Variants in STX7 observed in about 807,000 individuals in gnomAD.
The protein encoded by STX7 is syntaxin-7.
Under a neutral mutation model 39.6 loss-of-function variants are expected in STX7, and 34 were observed. The ratio of observed to expected loss-of-function variants is 0.86; its 90% CI spans 0.65 to 1.14. The LOEUF is 1.14. Among genes scored for constraint, STX7 ranks in the 50% most tolerant of loss-of-function variants. STX7 has a pLI of 0.00. For synonymous variants in STX7, 119 were observed against 99.1 expected, an observed-to-expected ratio of 1.20 and a Z score of -1.19; for missense variants, 284 against 310.4, an observed-to-expected ratio of 0.92 and a Z score of 0.64.
Position 132,451,959 on chromosome 6 carries a change from T to A in STX7, c.*8799A>T, listed in dbSNP as rs1435108776. On this transcript the variant is annotated 3_prime_UTR_variant, in exon 10 of 10. Coordinates refer to ENST00000367941, the MANE Select transcript of STX7 (RefSeq NM_003569.3). ...GTATTACCCTGATACCACCAACCAG[T>A]ATGTCGCATTAAAACAGATGCAAAA... 1 of 152,170 alleles carries A rather than the reference T, an allele frequency of 6.6e-6. No homozygotes were observed. The highest frequency in any genetic ancestry group is 1.5e-5 in the Non-Finnish European group (1 of 68,012). 9.4% of individuals were successfully genotyped at this position (152,170 alleles called of 1,614,324 possible).
intron 2 of STX7, among the ~76,000 whole-genome samples, chr6:132,487,299 T>TA (rs920839344): frequency 1.2e-4 from 19 of 152,040 alleles, no homozygotes; most frequent in South Asian, 1.0e-3. Flanking sequence ...ATTGCAGCCA[T>TA]AAAAAAAATG....
At chr6:132,489,316 T>C (rs1273651523) in intron 2 of STX7, among the ~76,000 whole-genome samples, 2 of 151,832 alleles carry the variant, frequency 1.3e-5, no homozygotes, top group Non-Finnish European at 2.9e-5. Flanking sequence ...CTTGTACAAT[T>C]AGAGTTAGGA....
rs754593682 is a variant in STX7 at position 132,472,392 on chromosome 6, C to T, written c.156-17G>A. 12 of 1,585,330 alleles carry T rather than the reference C, an allele frequency of 7.6e-6. 1 individual carries two copies. The African/African-American group carries it at 9.5e-5, about 12-fold the overall frequency. ...TTCTGTTGCCTAAAGTGAGAAAACA[C>T]GCATTACAGCCAAAGGACTAATATA... On this transcript the variant is annotated splice_polypyrimidine_tract_variant and intron_variant, in intron 3 of 9. Coordinates refer to ENST00000367941, the MANE Select transcript of STX7 (RefSeq NM_003569.3).
intron 9 of STX7, among the ~76,000 whole-genome samples, chr6:132,462,393 G>C (rs960638800): frequency 1.3e-5 from 2 of 152,188 alleles, no homozygotes; most frequent in African/African-American, 4.8e-5. Flanking sequence ...TGTAGCTTGG[G>C]ACATGTGCTT....
chr6:132,447,142 TA>T lies in STX7; in HGVS notation c.*13615del, dbSNP rs1774029692. On this transcript the variant is annotated 3_prime_UTR_variant, in exon 10 of 10. Coordinates refer to ENST00000367941, the MANE Select transcript of STX7 (RefSeq NM_003569.3). ...AGATACTAATAAGTTTTTGTGCGTG[TA>T]ACATTTGACACCAGGCTTTTAAGTA... 6.6e-6 allele frequency: 1 copy of T among 152,212 alleles called. No individual in the cohort carries two copies. Among genetic ancestry groups the T allele is most frequent in the Admixed American group, 6.5e-5 (1 of 15,274 alleles). 9.4% of individuals were successfully genotyped at this position (152,212 alleles called of 1,614,324 possible).
chr6:132,469,363 T>C (rs1357548707), intron 7 of STX7, among the ~76,000 whole-genome samples: 2 of 152,200 alleles, frequency 1.3e-5, no homozygotes, highest in Non-Finnish European at 2.9e-5. Flanking sequence ...ACACTGGTAT[T>C]TTCTCAATAC....
rs72996864 is a variant in STX7 at position 132,448,872 on chromosome 6, C to T, written c.*11886G>A. 0.029 allele frequency: 4,195 copies of T among 145,088 alleles called. 93 individuals carry two copies. The highest frequency in any genetic ancestry group is 0.045 in the Non-Finnish European group (3,016 of 66,476). The allele number at this position is 145,088 out of a possible 1,614,324, so 9.0% of individuals were successfully genotyped here. On this transcript the variant is annotated 3_prime_UTR_variant, in exon 10 of 10. Transcript: ENST00000367941. ...AAAAAAAAAAAAAGGTCTGTCAATTCGTTATTCCTTTAAAAGTGGATAAGT... is the reference window on the plus strand; with the variant it reads ...AAAAAAAAAAAAAGGTCTGTCAATTTGTTATTCCTTTAAAAGTGGATAAGT...
chr6:132,490,359 C>T (rs754942587), intron 2 of STX7, among the ~76,000 whole-genome samples: 10 of 152,214 alleles, frequency 6.6e-5, no homozygotes, highest in Non-Finnish European at 1.5e-5. Context: ...TCAGTTCTAA[C>T]TGCCAACACA....
At chr6:132,491,093 G>A (rs1318327935) in intron 2 of STX7, among the ~76,000 whole-genome samples, 4 of 150,134 alleles carry the variant, frequency 2.7e-5, no homozygotes, top group African/African-American at 7.4e-5. Context: ...CTCCTGCCAG[G>A]AAAATCAAAC....
rs1409018897 is a variant in STX7, at chr6:132,458,222, G to A, written c.*2536C>T. 1 of 152,196 alleles carries A rather than the reference G, an allele frequency of 6.6e-6. No homozygotes were observed. The highest frequency in any genetic ancestry group is 1.5e-5 in the Non-Finnish European group (1 of 68,040). 9.4% of individuals were successfully genotyped at this position (152,196 alleles called of 1,614,324 possible). ...TGCAGTGTCCTTGGTCACCAATGCAGATGCTACTGGGGCAGCCAGCGGGCT... is the reference window on the plus strand; with the variant it reads ...TGCAGTGTCCTTGGTCACCAATGCAAATGCTACTGGGGCAGCCAGCGGGCT... On this transcript the variant is annotated 3_prime_UTR_variant, in exon 10 of 10. Coordinates refer to ENST00000367941, the MANE Select transcript of STX7 (RefSeq NM_003569.3).
chr6:132,470,578 C>A lies in STX7; in HGVS notation c.436G>T (p.Glu146Ter), dbSNP rs1173683694. 6.2e-7 allele frequency: 1 copy of A among 1,603,588 alleles called. No individual in the cohort carries two copies. The change falls in exon 6 of 10, where the codon GAA becomes TAA. Residue 146 changes from glutamate to a stop codon, truncating the protein, a stop_gained. Transcript: ENST00000367941. LOFTEE classifies it high-confidence loss of function. ...AAAATGTTTTGTATTTCTTACCTTT[C>A]CCAGGATACAAGATTCCTTTCTTTT... ...SSKERNLVSWESQTQPQVQVQ... is the reference protein window; with the variant it reads ...SSKERNLVSW
In STX7 at chr6:132,503,547, C is replaced by A. The variant is rs547580888; in HGVS notation, c.-17G>T. 3.7e-6 allele frequency: 6 copies of A among 1,606,448 alleles called. No individual in the cohort carries two copies. Among genetic ancestry groups the A allele is most frequent in the Non-Finnish European group, 5.1e-6 (6 of 1,173,602 alleles). On this transcript the variant is annotated 5_prime_UTR_variant, in exon 2 of 10. Coordinates refer to ENST00000367941, the MANE Select transcript of STX7 (RefSeq NM_003569.3). Reference sequence around the variant, plus strand: ...GTAAGACATGGTTGATGTTCTTATTCGCTAATTTCATCAGATGCTGTGCAG... The same window carrying A: ...GTAAGACATGGTTGATGTTCTTATTAGCTAATTTCATCAGATGCTGTGCAG...
At chr6:132,461,982 C>A in intron 9 of STX7, 2 of 917,958 alleles carry the variant, frequency 2.2e-6, no homozygotes, top group South Asian at 2.0e-5. Flanking sequence ...TTGAATATTC[C>A]ACATATTCAT....
chr6:132,493,865 G>C (rs1288439807), intron 2 of STX7, among the ~76,000 whole-genome samples: 1 of 152,158 alleles, frequency 6.6e-6, no homozygotes, highest in Non-Finnish European at 1.5e-5. Context: ...AAAATGTACA[G>C]AGGGACAGCC....
intron 1 of STX7, among the ~76,000 whole-genome samples, chr6:132,509,513 A>C (rs1405786459): frequency 0.015 from 1,965 of 134,722 alleles, 104 homozygotes; most frequent in Admixed American, 0.036. Flanking sequence ...ATAACATAAC[A>C]TAAAATAAAA....
chr6:132,513,353 C>T (rs1281957643), upstream of STX7, among the ~76,000 whole-genome samples: 1 of 152,230 alleles, frequency 6.6e-6, no homozygotes, highest in Non-Finnish European at 1.5e-5. Context: ...TCTGGTGAAG[C>T]CAGCCTTCTT....
At chr6:132,474,031 C>CTGGTCTT (rs1774806903) in intron 3 of STX7, among the ~76,000 whole-genome samples, 1 of 151,754 alleles carries the variant, frequency 6.6e-6, no homozygotes. Context: ...GAATTGAAGA[C>CTGGTCTT]CAGTGCCGGC....
At chr6:132,512,213 T>A (rs901031330) in intron 1 of STX7, among the ~76,000 whole-genome samples, 9 of 152,156 alleles carry the variant, frequency 5.9e-5, no homozygotes, top group Admixed American at 5.9e-4. Flanking sequence ...ATATTATATA[T>A]AATTATAGTC....
intron 1 of STX7, among the ~76,000 whole-genome samples, chr6:132,505,739 TA>T (rs368964430): frequency 0.048 from 2,889 of 60,368 alleles, 59 homozygotes; most frequent in African/African-American, 0.13. Context: ...CCAAGTCACT[TA>T]AAAAAAAAAA....
Sources: gnomAD v4.1 joint callset for allele counts (sites outside exome capture counted in the v4.1 genomes callset) on GRCh38, gnomAD v4.1.1 for gene constraint, MANE v1.5 for transcripts, NCBI Gene and HGNC (gene_info 2026-07-23, HGNC 2026-07-21) for gene names.